The following ATP8A2 variants were observed in gnomAD, a reference collection of about 807,000 sequenced individuals.
ATP8A2 encodes the protein ATPase phospholipid transporting 8A2, also known as phospholipid-transporting ATPase IB.
A neutral mutation model predicts 165.6 loss-of-function variants in ATP8A2; 100 were observed. The observed-to-expected ratio is 0.60, with a 90% confidence interval of 0.51 to 0.71. The LOEUF (loss-of-function observed/expected upper bound fraction) is 0.71. Among genes scored for constraint, ATP8A2 ranks in the 30% least tolerant of loss-of-function variants. The probability of loss-of-function intolerance (pLI) is 0.00; values close to 1 mark genes in which losing one functional copy is unlikely to be tolerated. For missense variants in ATP8A2, 1,227 were observed against 1,479.5 expected (o/e 0.83, Z 2.80); for synonymous variants, 543 against 548.8 (o/e 0.99, Z 0.15).
chr13:25,554,770 G>C (rs1446122409), intron 12 of ATP8A2, among the ~76,000 whole-genome samples: 1 of 152,062 alleles, frequency 6.6e-6, no homozygotes, highest in African/African-American at 2.4e-5. Flanking sequence ...ATGTTGGCCA[G>C]GCTGGTCTCG....
chr13:25,768,768 G>A (rs146476294), intron 25 of ATP8A2, among the ~76,000 whole-genome samples: 3 of 152,244 alleles, frequency 2.0e-5, no homozygotes, highest in Middle Eastern at 3.4e-3. Context: ...ACGTACCCCC[G>A]AGGAGTTTGT....
intron 25 of ATP8A2, among the ~76,000 whole-genome samples, chr13:25,708,767 G>A (rs2043102682): frequency 6.6e-6 from 1 of 152,180 alleles, no homozygotes; most frequent in Admixed American, 6.5e-5. Context: ...CTTTAGAGAG[G>A]AAACAAATGA....
At chr13:25,672,462 G>A (rs2042286613) in intron 24 of ATP8A2, among the ~76,000 whole-genome samples, 1 of 151,690 alleles carries the variant, frequency 6.6e-6, no homozygotes, top group South Asian at 2.1e-4. Flanking sequence ...GGGAATGGAG[G>A]CAGGAAGATA....
At chr13:25,800,783 TA>T (rs5802349) in intron 27 of ATP8A2, among the ~76,000 whole-genome samples, 150,839 of 152,176 alleles carry the variant, frequency 0.99, 74,769 homozygotes, top group East Asian at 1. Context: ...CTAACCCTCA[TA>T]AAAAGTCTCA....
At chr13:25,920,587 C>T (rs1403732918) in intron 33 of ATP8A2, among the ~76,000 whole-genome samples, 1 of 152,158 alleles carries the variant, frequency 6.6e-6, no homozygotes, top group Admixed American at 6.5e-5. Context: ...TGGTAATTTG[C>T]CAAGTCTCCT....
At chr13:25,694,939 A>G (rs1593208640) in intron 24 of ATP8A2, among the ~76,000 whole-genome samples, 1 of 152,268 alleles carries the variant, frequency 6.6e-6, no homozygotes, top group South Asian at 2.1e-4. Context: ...CTCTTTGGCA[A>G]AAGTGCTGGG....
intron 1 of ATP8A2, among the ~76,000 whole-genome samples, chr13:25,416,829 T>A (rs1467959876): frequency 6.6e-6 from 1 of 152,230 alleles, no homozygotes; most frequent in East Asian, 1.9e-4. Flanking sequence ...TTTGACTTTC[T>A]TTTATTCATG....
intron 1 of ATP8A2, among the ~76,000 whole-genome samples, chr13:25,387,230 CT>C (rs2033088329): frequency 6.6e-6 from 1 of 152,138 alleles, no homozygotes; most frequent in Non-Finnish European, 1.5e-5. Flanking sequence ...AAGCTGGATG[CT>C]TTAGCAGGAG....
At chr13:25,760,192 C>T (rs1287438921) in intron 25 of ATP8A2, among the ~76,000 whole-genome samples, 1 of 152,110 alleles carries the variant, frequency 6.6e-6, no homozygotes, top group African/African-American at 2.4e-5. Context: ...ATCAAGTTGC[C>T]CTCACCACTA....
chr13:25,911,064 T>A (rs1290895135), intron 33 of ATP8A2, among the ~76,000 whole-genome samples: 2 of 152,102 alleles, frequency 1.3e-5, no homozygotes, highest in East Asian at 3.9e-4. Context: ...CCCTGGTGGC[T>A]TCTTTAGAGC....
intron 27 of ATP8A2, among the ~76,000 whole-genome samples, chr13:25,785,999 G>C (rs1392812199): frequency 6.6e-6 from 1 of 152,220 alleles, no homozygotes; most frequent in Non-Finnish European, 1.5e-5. Context: ...CCTTAGGTGT[G>C]AGATGTAGAT....
rs115391651 is a variant in ATP8A2, at chr13:25,901,196, C to T, written c.3183+38788C>T. ...AGAGGAAATGTTCTGGAAGCTTCTA[C>T]AGGCAAACTGCATTGTACTGGAAGG... On this transcript the variant is annotated intron_variant, in intron 33 of 36. Coordinates refer to ENST00000381655, the MANE Select transcript of ATP8A2 (RefSeq NM_016529.6). 5.8e-3 allele frequency among the ~76,000 whole-genome samples: 880 copies of T among 152,218 alleles called. 8 individuals are homozygous for T. Among genetic ancestry groups the T allele is most frequent in the African/African-American group, 0.02 (845 of 41,536 alleles).
intron 24 of ATP8A2, among the ~76,000 whole-genome samples, chr13:25,658,633 C>T (rs547443842): frequency 3.3e-5 from 5 of 152,276 alleles, no homozygotes; most frequent in African/African-American, 1.2e-4. Flanking sequence ...GAGTGAAACT[C>T]CGTCTCAAAA....
chr13:25,732,863 C>T (rs1165589699), intron 25 of ATP8A2, among the ~76,000 whole-genome samples: 1 of 152,014 alleles, frequency 6.6e-6, no homozygotes, highest in African/African-American at 2.4e-5. Context: ...ACCTGGAAAG[C>T]ATAAACATTT....
chr13:25,852,053 G>A (rs1038843635), intron 30 of ATP8A2, among the ~76,000 whole-genome samples: 4 of 151,972 alleles, frequency 2.6e-5, no homozygotes, highest in African/African-American at 7.3e-5. Flanking sequence ...GACTGTATCC[G>A]ACCCCAATGT....
chr13:25,818,591 A>C (rs1403507911), intron 27 of ATP8A2, among the ~76,000 whole-genome samples: 34 of 152,300 alleles, frequency 2.2e-4, no homozygotes, highest in Non-Finnish European at 2.8e-4. Flanking sequence ...AAATTAGATA[A>C]TTCATCTAGA....
At chr13:25,581,598 C>G (rs1328066126) in intron 22 of ATP8A2, among the ~76,000 whole-genome samples, 1 of 152,174 alleles carries the variant, frequency 6.6e-6, no homozygotes, top group Non-Finnish European at 1.5e-5. Context: ...ATCAAGAAAT[C>G]AGTGATGAGT....
intron 33 of ATP8A2, among the ~76,000 whole-genome samples, chr13:25,877,199 C>T (rs887407722): frequency 1.6e-4 from 25 of 152,296 alleles, no homozygotes; most frequent in African/African-American, 4.3e-4. Context: ...TTGCCACCTA[C>T]CAGATGCCAT....
At chr13:25,619,628 A>G (rs1054617300) in intron 24 of ATP8A2, among the ~76,000 whole-genome samples, 1 of 152,198 alleles carries the variant, frequency 6.6e-6, no homozygotes, top group Non-Finnish European at 1.5e-5. Context: ...GAACTTCTGG[A>G]AATGAAAAAT....
Sources: gnomAD v4.1 joint callset for allele counts (sites outside exome capture counted in the v4.1 genomes callset) on GRCh38, gnomAD v4.1.1 for gene constraint, MANE v1.5 for transcripts, NCBI Gene and HGNC (gene_info 2026-07-23, HGNC 2026-07-21) for gene names.